CPLANE1: variants seen among roughly 807,000 people sequenced by gnomAD.
CPLANE1 encodes the protein ciliogenesis and planar polarity effector 1.
CPLANE1 carries 263 observed loss-of-function variants against 362.5 expected under a neutral mutation model. That is an observed-to-expected ratio of 0.73 (90% CI 0.66 to 0.80). The LOEUF (loss-of-function observed/expected upper bound fraction) is 0.80. Among genes scored for constraint, CPLANE1 ranks in the 30% least tolerant of loss-of-function variants. The probability of loss-of-function intolerance (pLI) is 0.00; values close to 1 mark genes in which losing one functional copy is unlikely to be tolerated. For missense variants in CPLANE1, 3,461 were observed against 3,793.4 expected (o/e 0.91, Z 2.30); for synonymous variants, 1,212 against 1,302.6 (o/e 0.93, Z 1.50).
chr5:37,149,579 G>A (rs56064242), intron 42 of CPLANE1, among the ~76,000 whole-genome samples: 2 of 152,166 alleles, frequency 1.3e-5, no homozygotes, highest in Admixed American at 6.5e-5. Context: ...TTTTCTATGC[G>A]TACATACCTA....
chr5:37,240,876 G>T (rs147780840), intron 6 of CPLANE1, among the ~76,000 whole-genome samples: 1 of 152,244 alleles, frequency 6.6e-6, no homozygotes, highest in Admixed American at 6.5e-5. Flanking sequence ...TTGGATAAAC[G>T]TATTTCTACA....
At chr5:37,165,461 G>A in intron 36 of CPLANE1, 78 bp downstream of exon 36, 1 of 1,403,208 alleles carries the variant, frequency 7.1e-7, no homozygotes, top group African/African-American at 1.4e-5. Context: ...CCAGCAATCA[G>A]ACTAGATAAA....
chr5:37,092,577 C>G, the CPLANE1 span, among the ~76,000 whole-genome samples: 3 of 152,176 alleles, frequency 2.0e-5, no homozygotes, highest in African/African-American at 7.2e-5. Flanking sequence ...TGCAGGGCAG[C>G]CTTACTAATG....
At chr5:37,128,326 CT>C (rs1205893905) in intron 46 of CPLANE1, among the ~76,000 whole-genome samples, 1 of 152,146 alleles carries the variant, frequency 6.6e-6, no homozygotes, top group Admixed American at 6.6e-5. Context: ...ACCTATTACC[CT>C]ACACTCTCCA....
chr5:37,088,560 A>G, the CPLANE1 span, among the ~76,000 whole-genome samples: 35 of 152,286 alleles, frequency 2.3e-4, no homozygotes, highest in African/African-American at 8.2e-4. Context: ...AAATCAGTGC[A>G]TGTGTAAATT....
intron 45 of CPLANE1, among the ~76,000 whole-genome samples, chr5:37,139,065 AAGAAAACCCCTAT>A (rs1486354343): frequency 6.6e-6 from 1 of 152,194 alleles, no homozygotes; most frequent in Admixed American, 6.5e-5. Flanking sequence ...TATGGTCCAG[AAGAAAACCCCTAT>A]AGATTCTGTT....
chr5:37,116,597 C>A (rs773292022), intron 50 of CPLANE1, among the ~76,000 whole-genome samples: 1 of 148,332 alleles, frequency 6.7e-6, no homozygotes, highest in Non-Finnish European at 1.5e-5. Flanking sequence ...CCCTTCTGGG[C>A]GACAGAATGA....
At chr5:37,237,964 A>C (rs749168332) in intron 8 of CPLANE1, among the ~76,000 whole-genome samples, 2 of 152,238 alleles carry the variant, frequency 1.3e-5, no homozygotes, top group Non-Finnish European at 2.9e-5. Flanking sequence ...GGATCACTTA[A>C]GGCCAGAAGT....
At chr5:37,194,800 C>G (rs970872068) in intron 21 of CPLANE1, among the ~76,000 whole-genome samples, 11 of 151,884 alleles carry the variant, frequency 7.2e-5, no homozygotes, top group African/African-American at 2.7e-4. Context: ...TCCCAAGTAC[C>G]TGGGATTACA....
intron 20 of CPLANE1, among the ~76,000 whole-genome samples, chr5:37,196,322 TC>T (rs1267537408): frequency 6.6e-6 from 1 of 152,116 alleles, no homozygotes; most frequent in Non-Finnish European, 1.5e-5. Flanking sequence ...CTTAATCTTA[TC>T]CCAAATAAAG....
intron 23 of CPLANE1, 43 bp from the exon 24 acceptor site, chr5:37,186,437 CTT>C: frequency 1.2e-6 from 1 of 827,404 alleles, no homozygotes; most frequent in Non-Finnish European, 2.1e-6. Flanking sequence ...AAACATCATT[CTT>C]TTTTTTTCTT....
chr5:37,174,728 T>C (rs1001815998), intron 31 of CPLANE1, among the ~76,000 whole-genome samples: 2 of 152,216 alleles, frequency 1.3e-5, no homozygotes, highest in Admixed American at 6.5e-5. Flanking sequence ...AAATTTCATA[T>C]AGACTTATTT....
chr5:37,084,561 C>T, the CPLANE1 span, among the ~76,000 whole-genome samples: 11 of 151,962 alleles, frequency 7.2e-5, no homozygotes, highest in African/African-American at 2.4e-4. Context: ...GGGCAGATCA[C>T]GAGGTCAGGA....
chr5:37,146,489 T>A (rs1771636643), intron 43 of CPLANE1, among the ~76,000 whole-genome samples: 1 of 152,232 alleles, frequency 6.6e-6, no homozygotes, highest in Non-Finnish European at 1.5e-5. Context: ...AAAGACTATT[T>A]TTTGAAACGA....
intron 52 of CPLANE1, 66 bp downstream of exon 52, chr5:37,108,227 A>G: frequency 2.7e-6 from 4 of 1,459,994 alleles, no homozygotes; most frequent in Non-Finnish European, 3.8e-6. Context: ...CAAACAAACA[A>G]ACAAACAAAA....
In CPLANE1 at chr5:37,224,231, A is replaced by G. The variant is rs1420797020; in HGVS notation, c.2581+22T>C. The G allele has an allele frequency of 6.0e-6, 9 of 1,498,862 alleles. No individual in the cohort carries two copies. The Admixed American group carries it at 6.2e-5, about 10-fold the overall frequency. The allele number at this position is 1,498,862 out of a possible 1,614,324, so 92.8% of individuals were successfully genotyped here. ...AGGAGTCCTGCTAATATTATGGCAC[A>G]TATTTTTTAACACTCTCTTACCTTT... On this transcript the variant is annotated intron_variant, in intron 14 of 52. Transcript: ENST00000651892.
Position 37,107,688 on chromosome 5 carries a change from T to TGAGGATGCTGCAC in CPLANE1, c.9669_9670insGTGCAGCATCCTC (p.Ser3224ValfsTer49), listed in dbSNP as rs1757912476. The TGAGGATGCTGCAC allele has an allele frequency of 6.2e-7, 1 of 1,611,756 alleles. No individual in the cohort carries two copies. The highest frequency in any genetic ancestry group is 8.5e-7 in the Non-Finnish European group (1 of 1,179,138). ...TCGATGGCATTCCAGTCCAGCTTGC[T>TGAGGATGCTGCAC]GAGGATGCTGCCAGTGCTCTCAGAC... is the stretch of plus-strand genomic sequence containing the variant. On this transcript the variant is annotated frameshift_variant, in exon 53 of 53. Transcript: ENST00000651892. LOFTEE classifies it high-confidence loss of function.
intron 11 of CPLANE1, 62 bp downstream of exon 11, chr5:37,227,181 A>G: frequency 6.6e-7 from 1 of 1,525,652 alleles, no homozygotes; most frequent in South Asian, 1.3e-5. Flanking sequence ...AGAAAAACAG[A>G]ATATGTTTCT....
At chr5:37,248,453 GT>G (rs890930286) in intron 1 of CPLANE1, among the ~76,000 whole-genome samples, 3 of 151,848 alleles carry the variant, frequency 2.0e-5, no homozygotes, top group African/African-American at 7.3e-5. Flanking sequence ...TTGTTTTTTT[GT>G]TTTTTTAATA....
Sources: gnomAD v4.1 joint callset for allele counts (sites outside exome capture counted in the v4.1 genomes callset) on GRCh38, gnomAD v4.1.1 for gene constraint, MANE v1.5 for transcripts, NCBI Gene and HGNC (gene_info 2026-07-23, HGNC 2026-07-21) for gene names.